Variants in CDH4 observed in about 807,000 individuals in gnomAD.
CDH4 encodes the protein cadherin-4.
Under a neutral mutation model 86.0 loss-of-function variants are expected in CDH4, and 33 were observed. The ratio of observed to expected loss-of-function variants is 0.38; its 90% CI spans 0.29 to 0.51. The LOEUF (loss-of-function observed/expected upper bound fraction) is 0.51, where lower values mean the gene tolerates loss of function less well. Among genes scored for constraint, CDH4 ranks in the 20% least tolerant of loss-of-function variants. CDH4 has a pLI of 0.86. For synonymous variants in CDH4, 555 were observed against 549.4 expected (o/e 1.01, Z -0.14); for missense variants, 1,114 against 1,307.4 (o/e 0.85, Z 2.28).
intron 2 of CDH4, among the ~76,000 whole-genome samples, chr20:61,363,168 G>C (rs2123322499): frequency 6.6e-6 from 1 of 152,294 alleles, no homozygotes; most frequent in African/African-American, 2.4e-5. Context: ...CTGAGCACTG[G>C]ACCGAGGACC....
Position 61,334,019 on chromosome 20 carries a change from C to A in CDH4, c.169+79082C>A, listed in dbSNP as rs575474618. Among the ~76,000 whole-genome samples, 6 of 152,334 alleles carry A rather than the reference C, an allele frequency of 3.9e-5. No homozygotes were observed. In the South Asian group the frequency reaches 1.2e-3, roughly 32 times the overall value. On this transcript the variant is annotated intron_variant, in intron 2 of 15. Coordinates refer to ENST00000614565, the MANE Select transcript of CDH4 (RefSeq NM_001794.5). ...CAGGCTGAGAAGGGTAGCCCCTGTC[C>A]ATCCTGGGAGGTGTCCCCTCTTCTC...
intron 2 of CDH4, among the ~76,000 whole-genome samples, chr20:61,644,308 C>T (rs920982382): frequency 6.6e-6 from 1 of 152,220 alleles, no homozygotes; most frequent in African/African-American, 2.4e-5. Context: ...ATCATCGGAG[C>T]ACTCCTGAGG....
chr20:61,499,331 C>G (rs964494309), intron 2 of CDH4: 6 of 609,964 alleles, frequency 9.8e-6, no homozygotes, highest in African/African-American at 3.8e-5. Flanking sequence ...ATCCCCTATG[C>G]CTCAGTTTCG....
At chr20:61,402,028 T>C (rs1025918729) in intron 2 of CDH4, among the ~76,000 whole-genome samples, 11 of 152,200 alleles carry the variant, frequency 7.2e-5, no homozygotes, top group African/African-American at 2.4e-4. Context: ...TTGTGGAGGC[T>C]GGAAACATCC....
rs571416402 is a variant in CDH4, at chr20:61,703,234, A to C, written c.170-40329A>C. On this transcript the variant is annotated intron_variant, in intron 2 of 15. Transcript: ENST00000614565. The surrounding 1 kb of genome is among the most constrained non-coding windows in gnomAD (Gnocchi z 4.3). ...TTGTCTTTTCCTGACTTCTATGTGC[A>C]GTGGATTTCCTGCTTTGTGGCAGAG... Among the ~76,000 whole-genome samples, 266 of 152,298 alleles carry C rather than the reference A, an allele frequency of 1.7e-3. No individual in the cohort carries two copies. The highest frequency in any genetic ancestry group is 6.0e-3 in the African/African-American group (248 of 41,578).
intron 2 of CDH4, among the ~76,000 whole-genome samples, chr20:61,353,055 G>T (rs965945042): frequency 6.6e-6 from 1 of 152,024 alleles, no homozygotes; most frequent in Admixed American, 6.6e-5. Flanking sequence ...TCTTAGCTCC[G>T]CAGGTTTCTG....
chr20:61,770,324 G>A (rs1353796579), intron 3 of CDH4, among the ~76,000 whole-genome samples: 1 of 152,212 alleles, frequency 6.6e-6, no homozygotes, highest in African/African-American at 2.4e-5. Context: ...GCAGCCTGTG[G>A]TCAGATGCCT....
intron 8 of CDH4, among the ~76,000 whole-genome samples, chr20:61,907,799 G>C (rs982031922): frequency 6.6e-6 from 1 of 152,192 alleles, no homozygotes; most frequent in Non-Finnish European, 1.5e-5. Context: ...ACTAGACATC[G>C]GGAGTGGTGG....
At chr20:61,732,888 G>A (rs971184013) in intron 2 of CDH4, among the ~76,000 whole-genome samples, 2 of 152,192 alleles carry the variant, frequency 1.3e-5, no homozygotes, top group African/African-American at 4.8e-5. Context: ...GTTCCATTTC[G>A]GGCATCTCAA....
intron 2 of CDH4, among the ~76,000 whole-genome samples, chr20:61,732,823 G>A (rs1568784075): frequency 2.0e-5 from 3 of 152,214 alleles, no homozygotes; most frequent in African/African-American, 7.2e-5. Context: ...TTGGAGATGA[G>A]CCCCCCACCC....
intron 2 of CDH4, among the ~76,000 whole-genome samples, chr20:61,696,601 G>A (rs1353666873): frequency 6.6e-6 from 1 of 152,234 alleles, no homozygotes; most frequent in Non-Finnish European, 1.5e-5. Flanking sequence ...AGGGAGGGCA[G>A]GAGCTGAGGC....
In CDH4 at chr20:61,546,238, T is replaced by G. The variant is rs1015764474; in HGVS notation, c.170-197325T>G. ...TGTGTGGAGGGTGTGTGCATGTGTGTGGGGGTATGTGGGATACAGTATGTG... is the reference window on the plus strand; with the variant it reads ...TGTGTGGAGGGTGTGTGCATGTGTGGGGGGGTATGTGGGATACAGTATGTG... On this transcript the variant is annotated intron_variant, in intron 2 of 15. Transcript: ENST00000614565. Among the ~76,000 whole-genome samples the G allele has an allele frequency of 6.7e-5, 10 of 149,268 alleles. No individual in the cohort carries two copies. The East Asian group carries it at 1.8e-3, about 27-fold the overall frequency.
intron 2 of CDH4, among the ~76,000 whole-genome samples, chr20:61,504,597 A>G (rs1600716908): frequency 6.6e-6 from 1 of 152,310 alleles, no homozygotes; most frequent in South Asian, 2.1e-4. Flanking sequence ...AGGCGCAGAC[A>G]CGTGTGGTGG....
In CDH4 at chr20:61,854,600, C is replaced by CACCCCCA. The variant is rs1179242007; in HGVS notation, c.877+1702_877+1703insACCCCCA. On this transcript the variant is annotated intron_variant, in intron 6 of 15. Transcript: ENST00000614565. ...AACAGGGTGAATTGTGCCCTTGGTC[C>CACCCCCA]GCCCCCAGGGCTGCAGTGTGAACAG... Among the ~76,000 whole-genome samples, 662 of 146,724 alleles carry CACCCCCA rather than the reference C, an allele frequency of 4.5e-3. 133 individuals carry two copies. Among genetic ancestry groups the CACCCCCA allele is most frequent in the East Asian group, 0.014 (67 of 4,820 alleles).
intron 2 of CDH4, among the ~76,000 whole-genome samples, chr20:61,620,208 A>ATG (rs1568716855): frequency 3.9e-4 from 2 of 5,134 alleles, no homozygotes; most frequent in Admixed American, 2.0e-3. Flanking sequence ...ATGGATGGAC[A>ATG]GACAGGCAGG....
At chr20:61,808,228 G>T (rs1026597255) in intron 4 of CDH4, among the ~76,000 whole-genome samples, 1 of 151,896 alleles carries the variant, frequency 6.6e-6, no homozygotes, top group South Asian at 2.1e-4. Flanking sequence ...AAATCACCCC[G>T]TCTCAGCCAG....
At chr20:61,659,980 A>C (rs1045473338) in intron 2 of CDH4, among the ~76,000 whole-genome samples, 1 of 152,040 alleles carries the variant, frequency 6.6e-6, no homozygotes. Flanking sequence ...TTCCATGCAC[A>C]GTGGTGGAAA....
intron 6 of CDH4, among the ~76,000 whole-genome samples, chr20:61,871,113 C>T (rs1412697549): frequency 6.6e-6 from 1 of 151,902 alleles, no homozygotes; most frequent in Non-Finnish European, 1.5e-5. Context: ...TATCTTTCTG[C>T]ATTTCCAAGG....
chr20:61,729,199 A>G (rs1172667938), intron 2 of CDH4, among the ~76,000 whole-genome samples: 1 of 152,136 alleles, frequency 6.6e-6, no homozygotes, highest in African/African-American at 2.4e-5. Flanking sequence ...TGGATTTGCC[A>G]CTATTATTCT....
Sources: gnomAD v4.1 joint callset for allele counts (sites outside exome capture counted in the v4.1 genomes callset) on GRCh38, gnomAD v4.1.1 for gene constraint, Gnocchi (gnomAD v3.1) non-coding constraint, MANE v1.5 for transcripts, NCBI Gene and HGNC (gene_info 2026-07-23, HGNC 2026-07-21) for gene names.